The following ASIC2 variants were observed in gnomAD, a reference collection of about 807,000 sequenced individuals.
ASIC2 encodes acid-sensing ion channel 2.
Under a neutral mutation model 57.3 loss-of-function variants are expected in ASIC2, and 25 were observed. The ratio of observed to expected loss-of-function variants is 0.44; its 90% CI spans 0.32 to 0.61. The LOEUF is 0.61. Among genes scored for constraint, ASIC2 ranks in the 20% least tolerant of loss-of-function variants. ASIC2 has a pLI of 0.06. For synonymous variants in ASIC2, 319 were observed against 307.5 expected, an observed-to-expected ratio of 1.04 and a Z score of -0.39; for missense variants, 641 against 738.1, an observed-to-expected ratio of 0.87 and a Z score of 1.52.
chr17:33,184,519 TC>T (rs1318630230), intron 1 of ASIC2, among the ~76,000 whole-genome samples: 1 of 152,158 alleles, frequency 6.6e-6, no homozygotes, highest in Non-Finnish European at 1.5e-5. Context: ...GTCCTCTGTG[TC>T]CTTCATGATA....
chr17:33,956,244 T>C (rs1401606893), intron 1 of ASIC2, among the ~76,000 whole-genome samples: 1 of 152,192 alleles, frequency 6.6e-6, no homozygotes, highest in Non-Finnish European at 1.5e-5. Flanking sequence ...GAAGAAGAGT[T>C]TCCACCATTC....
intron 1 of ASIC2, among the ~76,000 whole-genome samples, chr17:33,818,446 G>T (rs569024313): frequency 1.3e-5 from 2 of 152,290 alleles, no homozygotes; most frequent in East Asian, 3.9e-4. Flanking sequence ...AGCCAGCTCA[G>T]GTCATACAAT....
chr17:33,331,288 T>C (rs976374709), intron 1 of ASIC2, among the ~76,000 whole-genome samples: 4 of 152,176 alleles, frequency 2.6e-5, no homozygotes, highest in African/African-American at 7.2e-5. Context: ...TGGTTGGGGA[T>C]CGCTGCTTTG....
intron 1 of ASIC2, among the ~76,000 whole-genome samples, chr17:33,592,002 G>T (rs902375084): frequency 2.6e-5 from 4 of 152,172 alleles, no homozygotes; most frequent in Non-Finnish European, 5.9e-5. Flanking sequence ...TCAAGGACAA[G>T]AATAAATTGA....
chr17:33,547,310 G>C (rs1915611045), intron 1 of ASIC2, among the ~76,000 whole-genome samples: 1 of 152,142 alleles, frequency 6.6e-6, no homozygotes, highest in African/African-American at 2.4e-5. Flanking sequence ...AAATGATCAA[G>C]AAATAAACTT....
intron 1 of ASIC2, among the ~76,000 whole-genome samples, chr17:33,200,095 G>C (rs575255455): frequency 6.6e-6 from 1 of 152,096 alleles, no homozygotes; most frequent in African/African-American, 2.4e-5. Context: ...TTTACCCTTA[G>C]GGGAAGCTGA....
intron 1 of ASIC2, among the ~76,000 whole-genome samples, chr17:33,338,241 G>A (rs888083753): frequency 6.6e-6 from 1 of 152,136 alleles, no homozygotes; most frequent in African/African-American, 2.4e-5. Flanking sequence ...GAGGTGTTCT[G>A]GAAGGGCAAG....
At chr17:33,657,174 G>T (rs1433675458) in intron 1 of ASIC2, among the ~76,000 whole-genome samples, 2 of 152,154 alleles carry the variant, frequency 1.3e-5, no homozygotes, top group African/African-American at 4.8e-5. Context: ...AACGACACTT[G>T]CTGGGAATCC....
At chr17:33,071,427 C>G (rs1478777799) in intron 3 of ASIC2, among the ~76,000 whole-genome samples, 3 of 152,186 alleles carry the variant, frequency 2.0e-5, no homozygotes, top group Non-Finnish European at 2.9e-5. Context: ...AGAAGTTCAA[C>G]TTGGCTTTTT....
chr17:33,081,076 A>G (rs1377481708), intron 3 of ASIC2, among the ~76,000 whole-genome samples: 3 of 152,154 alleles, frequency 2.0e-5, no homozygotes, highest in Non-Finnish European at 2.9e-5. Context: ...TCCTCCTAAG[A>G]CTGGAGTATA....
chr17:33,860,302 G>A (rs1914071434), intron 1 of ASIC2, among the ~76,000 whole-genome samples: 1 of 152,160 alleles, frequency 6.6e-6, no homozygotes, highest in Admixed American at 6.6e-5. Flanking sequence ...CTTAAGATGG[G>A]GGTATAAAGT....
intron 1 of ASIC2, among the ~76,000 whole-genome samples, chr17:33,548,349 C>T (rs186965260): frequency 1.3e-4 from 20 of 152,326 alleles, no homozygotes; most frequent in African/African-American, 4.6e-4. Flanking sequence ...TATCACATTT[C>T]GTTCCCCTTT....
intron 1 of ASIC2, among the ~76,000 whole-genome samples, chr17:34,028,080 A>G (rs1907445622): frequency 6.6e-6 from 1 of 152,244 alleles, no homozygotes; most frequent in Admixed American, 6.5e-5. Context: ...AGAATGGAGC[A>G]GAATATAGTA....
chr17:34,021,712 G>A (rs1907164085), intron 1 of ASIC2, among the ~76,000 whole-genome samples: 1 of 152,198 alleles, frequency 6.6e-6, no homozygotes, highest in South Asian at 2.1e-4. Flanking sequence ...GAGATTCACA[G>A]TGTTAGGTCA....
At chr17:34,134,891 C>T (rs1049011994) in intron 1 of ASIC2, among the ~76,000 whole-genome samples, 3 of 152,164 alleles carry the variant, frequency 2.0e-5, no homozygotes, top group Non-Finnish European at 4.4e-5. Flanking sequence ...GTAGGCAGTA[C>T]CTCCTTGGGC....
intron 1 of ASIC2, among the ~76,000 whole-genome samples, chr17:33,566,486 C>T (rs1471413597): frequency 2.0e-5 from 3 of 152,126 alleles, no homozygotes; most frequent in Non-Finnish European, 4.4e-5. Flanking sequence ...GAGTAGGCAA[C>T]TACAAGTTTG....
intron 1 of ASIC2, among the ~76,000 whole-genome samples, chr17:33,530,830 T>G (rs2141960738): frequency 6.6e-6 from 1 of 152,348 alleles, no homozygotes; most frequent in South Asian, 2.1e-4. Flanking sequence ...TATTAGTTTA[T>G]GCATTCACTC....
At chr17:33,034,272 CA>C (rs1215664892) in intron 3 of ASIC2, among the ~76,000 whole-genome samples, 1 of 152,118 alleles carries the variant, frequency 6.6e-6, no homozygotes, top group African/African-American at 2.4e-5. Context: ...GCACCGTGGC[CA>C]CAGAGGTTTC....
intron 3 of ASIC2, among the ~76,000 whole-genome samples, chr17:33,030,465 T>C (rs1292852489): frequency 6.6e-6 from 1 of 152,180 alleles, no homozygotes; most frequent in African/African-American, 2.4e-5. Context: ...TTCTCTTTTA[T>C]TGCCGAGTTT....
Sources: allele counts gnomAD v4.1 joint callset (sites outside exome capture counted in the v4.1 genomes callset), GRCh38; gene constraint gnomAD v4.1.1; transcripts MANE v1.5; gene names NCBI Gene and HGNC (gene_info 2026-07-23, HGNC 2026-07-21).